Variants in PRKAR1A observed in about 807,000 individuals in gnomAD.
The protein encoded by PRKAR1A is protein kinase cAMP-dependent type I regulatory subunit alpha, also known as cAMP-dependent protein kinase type I-alpha regulatory subunit.
Under a neutral mutation model 52.0 loss-of-function variants are expected in PRKAR1A, and 3 were observed. The ratio of observed to expected loss-of-function variants is 0.06; its 90% CI spans 0.03 to 0.15. The LOEUF (loss-of-function observed/expected upper bound fraction) is 0.15. Ranked by LOEUF, PRKAR1A falls within the 10% of genes least tolerant of loss-of-function variation. The pLI is 1.00. For missense variants in PRKAR1A, 240 were observed against 477.4 expected, an observed-to-expected ratio of 0.50 and a Z score of 4.63; for synonymous variants, 188 against 168.4, an observed-to-expected ratio of 1.12 and a Z score of -0.90.
the PRKAR1A span, among the ~76,000 whole-genome samples, chr17:68,441,773 C>A: frequency 6.6e-6 from 1 of 152,194 alleles, no homozygotes; most frequent in Non-Finnish European, 1.5e-5. Context: ...TGATCATCTC[C>A]ATTTTACTGC....
rs1313873687 is a variant in PRKAR1A, at chr17:68,524,905, C to G, written c.503-7C>G. On this transcript the variant is annotated splice_polypyrimidine_tract_variant and splice_region_variant and intron_variant, in intron 5 of 10. Coordinates refer to ENST00000589228, the MANE Select transcript of PRKAR1A (RefSeq NM_002734.5). ...AATATGCTTCTAACTTTTTTACCCTCTTTTAGGTGATGAAGGGGATAACTT... is the reference window on the plus strand; with the variant it reads ...AATATGCTTCTAACTTTTTTACCCTGTTTTAGGTGATGAAGGGGATAACTT... The G allele has an allele frequency of 1.2e-6, 2 of 1,603,598 alleles. No individual in the cohort carries two copies. The highest frequency in any genetic ancestry group is 1.7e-5 in the Admixed American group (1 of 59,948).
the PRKAR1A span, among the ~76,000 whole-genome samples, chr17:68,499,643 T>C: frequency 1.8e-4 from 28 of 152,354 alleles, no homozygotes; most frequent in African/African-American, 6.7e-4. Flanking sequence ...GCACGTTGGG[T>C]TTCTCAGAAT....
chr17:68,537,122 A>G (rs188485434), downstream of PRKAR1A: 3 of 479,734 alleles, frequency 6.3e-6, no homozygotes, highest in African/African-American at 2.0e-5. This position sits in a 1 kb window ranked among gnomAD's most constrained non-coding sequence, Gnocchi z 4.2. Flanking sequence ...GAAGTCAGGT[A>G]TCCACTTGAT....
At chr17:68,499,397 A>AGG in the PRKAR1A span, among the ~76,000 whole-genome samples, 1 of 150,876 alleles carries the variant, frequency 6.6e-6, no homozygotes, top group South Asian at 2.1e-4. Context: ...AGAGAGAGAG[A>AGG]GAGAGAGAGG....
intron 2 of PRKAR1A, among the ~76,000 whole-genome samples, chr17:68,521,523 ACCCAG>A (rs2085609847): frequency 6.6e-6 from 1 of 152,206 alleles, no homozygotes; most frequent in African/African-American, 2.4e-5. Flanking sequence ...AAGCCACTGT[ACCCAG>A]TCATGTATTC....
the PRKAR1A span, among the ~76,000 whole-genome samples, chr17:68,479,577 A>T: frequency 6.6e-6 from 1 of 151,260 alleles, no homozygotes; most frequent in African/African-American, 2.4e-5. Flanking sequence ...ATCCTCTATG[A>T]CTCTTAACTT....
At chr17:68,442,931 G>A in the PRKAR1A span, among the ~76,000 whole-genome samples, 1 of 152,072 alleles carries the variant, frequency 6.6e-6, no homozygotes. Flanking sequence ...CACAAAGAAT[G>A]TCTGCAATAG....
At chr17:68,533,477 C>T, downstream of PRKAR1A, 2 of 990,466 alleles carry the variant, frequency 2.0e-6, no homozygotes, top group Non-Finnish European at 2.4e-6. Context: ...TCTCTCTAAA[C>T]AGTGGCCCAA....
At chr17:68,465,807 A>G in the PRKAR1A span, among the ~76,000 whole-genome samples, 2 of 151,834 alleles carry the variant, frequency 1.3e-5, no homozygotes, top group African/African-American at 4.8e-5. Flanking sequence ...TGTATAGGCA[A>G]TGGTGATTCA....
chr17:68,498,565 T>A, the PRKAR1A span, among the ~76,000 whole-genome samples: 5 of 152,152 alleles, frequency 3.3e-5, no homozygotes, highest in African/African-American at 1.2e-4. Flanking sequence ...AGGAAGCTGG[T>A]GGGTGCTCCT....
rs780678062 is a variant in PRKAR1A, at chr17:68,531,102, C to T, written c.*653C>T. ...TTATATCTTGTTATTAATGTTTCTT[C>T]TCCAATTCTGAAATACTTTTGAGTA... On this transcript the variant is annotated 3_prime_UTR_variant, in exon 11 of 11. Coordinates refer to ENST00000589228, the MANE Select transcript of PRKAR1A (RefSeq NM_002734.5). 6.6e-5 allele frequency: 70 copies of T among 1,066,746 alleles called. No homozygotes were observed. The highest frequency in any genetic ancestry group is 7.7e-5 in the Non-Finnish European group (68 of 880,332). The allele number at this position is 1,066,746 out of a possible 1,614,324, so 66.1% of individuals were successfully genotyped here.
At chr17:68,437,005 A>AATATATATAT in the PRKAR1A span, among the ~76,000 whole-genome samples, 2,667 of 107,006 alleles carry the variant, frequency 0.025, 53 homozygotes, top group Middle Eastern at 0.048. Context: ...AAAAAAAAAA[A>AATATATATAT]ATATATATAT....
At chr17:68,437,947 T>A in the PRKAR1A span, among the ~76,000 whole-genome samples, 1 of 58,786 alleles carries the variant, frequency 1.7e-5, no homozygotes, top group Non-Finnish European at 3.1e-5. Flanking sequence ...GACATCTCTC[T>A]TAAAAAAAAA....
At chr17:68,463,784 A>G in the PRKAR1A span, among the ~76,000 whole-genome samples, 214 of 152,318 alleles carry the variant, frequency 1.4e-3, no homozygotes, top group Non-Finnish European at 2.1e-3. Flanking sequence ...AAGAGTGGGG[A>G]GAACTACAGG....
the PRKAR1A span, among the ~76,000 whole-genome samples, chr17:68,489,147 G>T: frequency 3.9e-4 from 52 of 134,038 alleles, no homozygotes; most frequent in African/African-American, 1.3e-3. Context: ...AAATAGGATA[G>T]AGGTTGGGTA....
chr17:68,433,500 T>A, the PRKAR1A span: 2 of 1,614,108 alleles, frequency 1.2e-6, no homozygotes, highest in Non-Finnish European at 1.7e-6. Flanking sequence ...TGAAGATGTG[T>A]ACCGTCTCGG....
chr17:68,545,088 G>T (rs2143549753), intron 11 of PRKAR1A, among the ~76,000 whole-genome samples: 1 of 152,214 alleles, frequency 6.6e-6, no homozygotes, highest in East Asian at 1.9e-4. Flanking sequence ...AAAAAATGGT[G>T]TTCGCCTTAA....
In PRKAR1A at chr17:68,525,288, C is replaced by T. The variant is rs2085753743; in HGVS notation, c.549+330C>T. On this transcript the variant is annotated intron_variant, in intron 6 of 10. Coordinates refer to ENST00000589228, the MANE Select transcript of PRKAR1A (RefSeq NM_002734.5). ...CCTGGGCAACAAAGTGAAACCTCAT[C>T]TCTTAAAAAAAAAAAAAAAAAAAGA... is the stretch of plus-strand genomic sequence containing the variant. 3.1e-5 allele frequency among the ~76,000 whole-genome samples: 4 copies of T among 130,012 alleles called. No homozygotes were observed. The South Asian group carries it at 1.0e-3, about 34-fold the overall frequency. 85.3% of individuals were successfully genotyped at this position (130,012 alleles called of 152,430 possible).
chr17:68,504,960 C>A, the PRKAR1A span, among the ~76,000 whole-genome samples: 8 of 152,122 alleles, frequency 5.3e-5, no homozygotes, highest in South Asian at 1.7e-3. Flanking sequence ...TATGTACCCA[C>A]ACAAATAAAA....
Sources: gnomAD v4.1 joint callset for allele counts (sites outside exome capture counted in the v4.1 genomes callset) on GRCh38, gnomAD v4.1.1 for gene constraint, Gnocchi (gnomAD v3.1) non-coding constraint, MANE v1.5 for transcripts, NCBI Gene and HGNC (gene_info 2026-07-23, HGNC 2026-07-21) for gene names.